The following NPR3 variants were observed in gnomAD, a reference collection of about 807,000 sequenced individuals.
NPR3 encodes the protein atrial natriuretic peptide receptor 3.
Under a neutral mutation model 54.5 loss-of-function variants are expected in NPR3, and 34 were observed. That is an observed-to-expected ratio of 0.62 (90% confidence interval 0.47 to 0.83). NPR3 has a LOEUF of 0.83. NPR3 is among the 40% of genes least tolerant of loss of function. The pLI is 0.00. For missense variants in NPR3, 674 were observed against 720.8 expected (o/e 0.94, Z 0.74); for synonymous variants, 289 against 297.1 (o/e 0.97, Z 0.28).
chr5:32,711,389 CT>C lies in NPR3; in HGVS notation c.-379del, dbSNP rs199815172. On this transcript the variant is annotated 5_prime_UTR_variant, in exon 1 of 8. An upstream open reading frame in the 5' UTR loses its in-frame stop. Coordinates refer to ENST00000265074, the MANE Select transcript of NPR3 (RefSeq NM_001204375.2). ...ATTACAAACACTTGGACAAGTCTAA[CT>C]TTTTTTTTCTTCTACAAAAACGCTT... is the stretch of plus-strand genomic sequence containing the variant. The C allele has an allele frequency of 2.1e-5, 21 of 1,000,730 alleles. No individual in the cohort carries two copies. Among genetic ancestry groups the C allele is most frequent in the East Asian group, 1.0e-4 (1 of 9,922 alleles). The allele number at this position is 1,000,730 out of a possible 1,614,324, so 62.0% of individuals were successfully genotyped here. A position where few individuals can be genotyped will look rare whatever the true frequency, so the allele number is the denominator to read the frequency against.
chr5:32,751,436 G>A (rs74676160), intron 3 of NPR3, among the ~76,000 whole-genome samples: 4,243 of 152,294 alleles, frequency 0.028, 70 homozygotes, highest in Middle Eastern at 0.088. Context: ...AAGGAGGGAA[G>A]GCAGGGTCCT....
chr5:32,709,106 G>GC (rs1738083352), upstream of NPR3, among the ~76,000 whole-genome samples: 1 of 152,102 alleles, frequency 6.6e-6, no homozygotes, highest in Non-Finnish European at 1.5e-5. Context: ...AGGCTAGGTA[G>GC]CATCTGGGAT....
intron 3 of NPR3, among the ~76,000 whole-genome samples, chr5:32,745,646 C>A (rs3792758): frequency 0.35 from 53,263 of 152,006 alleles, 10,172 homozygotes; most frequent in African/African-American, 0.51. Flanking sequence ...AGGCTCTACA[C>A]GTGAGCCTGG....
chr5:32,786,321 C>A lies in NPR3; in HGVS notation c.1602C>A (p.Ile534=). The A allele has an allele frequency of 6.4e-7, 1 of 1,561,918 alleles. No individual in the cohort carries two copies. Among genetic ancestry groups the A allele is most frequent in the Non-Finnish European group, 8.8e-7 (1 of 1,139,242 alleles). The change falls in exon 8 of 8, where the codon ATC becomes ATA. Residue 534 remains isoleucine, a synonymous_variant. Transcript: ENST00000265074. ...ATCGGGAATTACGGGAAGATTCCAT[C>A]AGATCCCATTTTTCAGTAGCTTAAA... ...GKHRELREDS[I]RSHFSVA
chr5:32,733,370 G>A (rs979514756), intron 2 of NPR3, among the ~76,000 whole-genome samples: 1 of 152,154 alleles, frequency 6.6e-6, no homozygotes, highest in Non-Finnish European at 1.5e-5. Flanking sequence ...GTTTAAAAAA[G>A]TCTAGAAAGA....
At position 32,791,062 on chromosome 5, in the gene NPR3, G is replaced by T. The variant is rs1742882905; in HGVS notation, c.*4717G>T. 6.0e-6 allele frequency: 1 copy of T among 167,212 alleles called. No individual in the cohort carries two copies. The highest frequency in any genetic ancestry group is 2.1e-4 in the South Asian group (1 of 4,828). The allele number at this position is 167,212 out of a possible 1,614,324, so 10.4% of individuals were successfully genotyped here. The stretch of plus-strand genomic sequence containing the variant: ...AACAAAGCTGTCACGGTGCATGATA[G>T]TTGGACAGAGATGGCTAAAAAAGAG... On this transcript the variant is annotated 3_prime_UTR_variant, in exon 8 of 8. Transcript: ENST00000265074.
At chr5:32,716,325 C>T in intron 1 of NPR3, 1 of 432,902 alleles carries the variant, frequency 2.3e-6, no homozygotes, top group South Asian at 1.7e-5. Context: ...CTTGTTAGCT[C>T]TTCCTGTAGG....
chr5:32,749,359 C>G (rs1254514418), intron 3 of NPR3, among the ~76,000 whole-genome samples: 1 of 151,996 alleles, frequency 6.6e-6, no homozygotes, highest in Non-Finnish European at 1.5e-5. Flanking sequence ...GTTTGCCTTT[C>G]AAGTTCATTT....
chr5:32,755,103 G>A (rs995354742), intron 3 of NPR3, among the ~76,000 whole-genome samples: 1 of 152,136 alleles, frequency 6.6e-6, no homozygotes, highest in Non-Finnish European at 1.5e-5. Context: ...CTCGTGATCC[G>A]TCTGCCTCAG....
In NPR3 at chr5:32,772,237, C is replaced by T. The variant is rs150431595; in HGVS notation, c.1060-2471C>T. Among the ~76,000 whole-genome samples, 796 of 152,306 alleles carry T rather than the reference C, an allele frequency of 5.2e-3. 3 individuals are homozygous for T. Among genetic ancestry groups the T allele is most frequent in the African/African-American group, 0.017 (688 of 41,568 alleles). ...AGCCAGAATCTATCAGTTTCTTCCA[C>T]GGTCCCAGGAACTGTTTGGGTGTTT... On this transcript the variant is annotated intron_variant, in intron 3 of 7. Coordinates refer to ENST00000265074, the MANE Select transcript of NPR3 (RefSeq NM_001204375.2).
At chr5:32,740,585 C>T (rs1293385540) in intron 3 of NPR3, among the ~76,000 whole-genome samples, 8 of 150,386 alleles carry the variant, frequency 5.3e-5, no homozygotes, top group African/African-American at 2.0e-4. Context: ...TTAAAATTTT[C>T]TAGTTGACAT....
intron 6 of NPR3, 76 bp from the exon 7 acceptor site, chr5:32,784,720 T>A: frequency 8.6e-7 from 1 of 1,159,928 alleles, no homozygotes; most frequent in East Asian, 2.4e-5. Flanking sequence ...GAGGAACTTC[T>A]TGCAATGAAT....
Position 32,701,866 on chromosome 5 carries a change from T to A in NPR3, c.100+12680T>A, listed in dbSNP as rs142769257. ...CTCTTCTTCTCTTCCATTTATTTTC[T>A]GCCAAACAAACGGAGTCTCTCTCTC... On this transcript the variant is annotated intron_variant, in intron 1 of 5. Coordinates refer to the NPR3 transcript ENST00000509104. Among the ~76,000 whole-genome samples the A allele has an allele frequency of 1.6e-3, 248 of 152,326 alleles. 3 individuals are homozygous for A. The highest frequency in any genetic ancestry group is 5.9e-3 in the African/African-American group (245 of 41,564).
At chr5:32,707,295 A>C (rs1738022407), upstream of NPR3, among the ~76,000 whole-genome samples, 1 of 152,138 alleles carries the variant, frequency 6.6e-6, no homozygotes, top group South Asian at 2.1e-4. Flanking sequence ...TATAAATTTA[A>C]TTAGAAAAAT....
rs1238381961 is a variant in NPR3 at position 32,791,338 on chromosome 5, T to G, written c.*4993T>G. 6.0e-6 allele frequency: 1 copy of G among 167,110 alleles called. No individual in the cohort carries two copies. The highest frequency in any genetic ancestry group is 2.4e-5 in the African/African-American group (1 of 41,464). The allele number at this position is 167,110 out of a possible 1,614,324, so 10.4% of individuals were successfully genotyped here. On this transcript the variant is annotated 3_prime_UTR_variant, in exon 8 of 8. Transcript: ENST00000265074. Reference sequence around the variant, plus strand: ...GACCAATTCTGTGACCCCTGTCTTCTGGGTCACATTATTCATTGTTGATTT... The same window carrying G: ...GACCAATTCTGTGACCCCTGTCTTCGGGGTCACATTATTCATTGTTGATTT...
At chr5:32,739,680 G>A (rs1334759450) in intron 3 of NPR3, among the ~76,000 whole-genome samples, 1 of 152,154 alleles carries the variant, frequency 6.6e-6, no homozygotes, top group Non-Finnish European at 1.5e-5. Flanking sequence ...AGCTGGCACC[G>A]CAGGCAGCTG....
chr5:32,733,210 G>T (rs377126451), intron 2 of NPR3, among the ~76,000 whole-genome samples: 19 of 151,864 alleles, frequency 1.3e-4, no homozygotes, highest in Admixed American at 1.0e-3. Flanking sequence ...TTGATAGTGC[G>T]TCCATTATTA....
intron 3 of NPR3, among the ~76,000 whole-genome samples, chr5:32,739,950 G>A (rs140978017): frequency 3.7e-4 from 56 of 152,108 alleles, no homozygotes; most frequent in African/African-American, 9.9e-4. Flanking sequence ...GCGCGATCAC[G>A]GCTCACTGCA....
intron 3 of NPR3, among the ~76,000 whole-genome samples, chr5:32,764,788 CAAAAAAAAAAAAAAA>C (rs568944478): frequency 0.13 from 4,771 of 36,616 alleles, 180 homozygotes; most frequent in Middle Eastern, 0.21. Context: ...GGGTCCATCT[CAAAAAAAAAAAAAAA>C]AAAAAAAAAA....
Sources: gnomAD v4.1 joint callset for allele counts (sites outside exome capture counted in the v4.1 genomes callset) on GRCh38, gnomAD v4.1.1 for gene constraint, MANE v1.5 for transcripts, NCBI Gene and HGNC (gene_info 2026-07-23, HGNC 2026-07-21) for gene names.